Variants in DNER observed in about 807,000 individuals in gnomAD.
DNER encodes the protein delta/notch like EGF repeat containing.
DNER carries 33 observed loss-of-function variants against 78.2 expected under a neutral mutation model. The observed-to-expected ratio is 0.42, with a 90% CI of 0.32 to 0.56. The LOEUF is 0.56. Among genes scored for constraint, DNER ranks in the 20% least tolerant of loss-of-function variants. The probability of loss-of-function intolerance (pLI) is 0.11; values close to 1 mark genes in which losing one functional copy is unlikely to be tolerated. For missense variants in DNER, 918 were observed against 975.3 expected (o/e 0.94, Z 0.78); for synonymous variants, 417 against 384.8 (o/e 1.08, Z -0.98).
intron 1 of DNER, among the ~76,000 whole-genome samples, chr2:229,698,139 G>A (rs900580989): frequency 5.3e-5 from 8 of 152,176 alleles, no homozygotes; most frequent in Admixed American, 2.0e-4. Context: ...AGGAGTTCAA[G>A]GCTGCGGTGG....
chr2:229,660,790 TC>T (rs1227098749), intron 1 of DNER, among the ~76,000 whole-genome samples: 1 of 152,192 alleles, frequency 6.6e-6, no homozygotes, highest in Non-Finnish European at 1.5e-5. Context: ...GGAATGTAAC[TC>T]TAGTGACCTT....
At chr2:229,582,038 C>A (rs1697407276) in intron 4 of DNER, among the ~76,000 whole-genome samples, 1 of 152,180 alleles carries the variant, frequency 6.6e-6, no homozygotes, top group Non-Finnish European at 1.5e-5. Flanking sequence ...AGAAACACAG[C>A]GACATAATTC....
At chr2:229,512,647 C>T (rs919817417) in intron 6 of DNER, 136 bp downstream of exon 6, 3 of 1,253,894 alleles carry the variant, frequency 2.4e-6, no homozygotes, top group African/African-American at 1.5e-5. Context: ...GCACCAAAAC[C>T]TCACAAATCA....
intron 4 of DNER, among the ~76,000 whole-genome samples, chr2:229,580,856 G>A (rs145176704): frequency 3.3e-5 from 5 of 152,272 alleles, no homozygotes; most frequent in African/African-American, 9.6e-5. Context: ...AAGGAGATCT[G>A]AGAATGCATG....
At chr2:229,388,014 T>TG (rs1216520956) in intron 11 of DNER, among the ~76,000 whole-genome samples, 3 of 152,048 alleles carry the variant, frequency 2.0e-5, no homozygotes, top group Admixed American at 6.6e-5. Context: ...ATTCTCATCC[T>TG]GGGGAAAGGC....
intron 6 of DNER, among the ~76,000 whole-genome samples, chr2:229,484,638 G>C (rs1695232995): frequency 6.6e-6 from 1 of 152,062 alleles, no homozygotes; most frequent in Admixed American, 6.5e-5. Flanking sequence ...GTGATGTCAG[G>C]AGACTTTATG....
chr2:229,522,906 T>C (rs1696129563), intron 5 of DNER, among the ~76,000 whole-genome samples: 1 of 152,230 alleles, frequency 6.6e-6, no homozygotes, highest in Admixed American at 6.5e-5. Flanking sequence ...GTGTGATTTT[T>C]CCATGTTACC....
chr2:229,671,171 C>T (rs1014894053), intron 1 of DNER, among the ~76,000 whole-genome samples: 8 of 152,208 alleles, frequency 5.3e-5, no homozygotes, highest in Non-Finnish European at 1.2e-4. Context: ...CCTGCTTGCT[C>T]AAGCTGATCA....
intron 5 of DNER, 97 bp downstream of exon 5, chr2:229,546,850 G>A: frequency 6.7e-7 from 1 of 1,503,478 alleles, no homozygotes; most frequent in Non-Finnish European, 9.0e-7. Context: ...GATAGAGCAA[G>A]GATGAAAGGG....
At chr2:229,398,465 G>A (rs757804820) in intron 10 of DNER, among the ~76,000 whole-genome samples, 3 of 152,068 alleles carry the variant, frequency 2.0e-5, no homozygotes, top group Non-Finnish European at 4.4e-5. Context: ...TGCAGAAAAC[G>A]GAATACAAAA....
At chr2:229,482,229 C>T (rs112918783) in intron 6 of DNER, among the ~76,000 whole-genome samples, 1 of 152,242 alleles carries the variant, frequency 6.6e-6, no homozygotes, top group East Asian at 1.9e-4. Context: ...ATACCTTTCA[C>T]ATTGTCTAGT....
At position 229,586,143 on chromosome 2, in the gene DNER, A is replaced by T. The variant is rs1697491157; in HGVS notation, c.681-119T>A. 1.1e-5 allele frequency: 14 copies of T among 1,237,896 alleles called. No homozygotes were observed. In the South Asian group the frequency reaches 1.9e-4, roughly 17 times the overall value. The allele number at this position is 1,237,896 out of a possible 1,614,324, so 76.7% of individuals were successfully genotyped here. A position where few individuals can be genotyped will look rare whatever the true frequency, so the allele number is the denominator to read the frequency against. ...TGTGCATCTACCAAGGTACCAGGAG[A>T]TCGATGGCATAAACAGATACGCGGG... On this transcript the variant is annotated intron_variant, in intron 3 of 12. Coordinates refer to ENST00000341772, the MANE Select transcript of DNER (RefSeq NM_139072.4).
At chr2:229,533,105 G>A (rs1322798663) in intron 5 of DNER, among the ~76,000 whole-genome samples, 1 of 152,178 alleles carries the variant, frequency 6.6e-6, no homozygotes, top group Non-Finnish European at 1.5e-5. Flanking sequence ...AGATCAAAGC[G>A]AGAAAAGGCT....
chr2:229,399,748 A>G (rs907774573), intron 10 of DNER, among the ~76,000 whole-genome samples: 11 of 152,096 alleles, frequency 7.2e-5, no homozygotes, highest in African/African-American at 2.7e-4. Context: ...ATTTTTGACG[A>G]AAGTTCAAAA....
rs748186863 is a variant in DNER, at chr2:229,585,976, C to T, written c.729G>A (p.Thr243=). 1.2e-5 allele frequency: 19 copies of T among 1,613,868 alleles called. No individual in the cohort carries two copies. The highest frequency in any genetic ancestry group is 2.7e-5 in the African/African-American group (2 of 74,902). ...TASLILLWKV[T]ATGFQQCSLI... is the part of the protein sequence containing the mutation. ...GGGAGCACTGTTGGAATCCTGTGGC[C>T]GTGACCTTCCAGAGCAAAATCAGTG... The change falls in exon 4 of 13, where the codon ACG becomes ACA. Residue 243 remains threonine, a synonymous_variant. Coordinates refer to ENST00000341772, the MANE Select transcript of DNER (RefSeq NM_139072.4).
Position 229,398,823 on chromosome 2 carries a change from C to G in DNER, c.1723+8409G>C, listed in dbSNP as rs561619220. On this transcript the variant is annotated intron_variant, in intron 10 of 12. Transcript: ENST00000341772. ...AAAATCAACCAAGCATATTAACAAG[C>G]CAAAGAAAAAAATCACATGATCATA... 2.0e-5 allele frequency among the ~76,000 whole-genome samples: 3 copies of G among 151,682 alleles called. No individual in the cohort carries two copies. In the East Asian group the frequency reaches 5.8e-4, roughly 29 times the overall value.
intron 1 of DNER, among the ~76,000 whole-genome samples, chr2:229,651,572 C>G (rs1559195990): frequency 6.6e-6 from 1 of 152,234 alleles, no homozygotes; most frequent in South Asian, 2.1e-4. Flanking sequence ...AGCCAGGTCT[C>G]TATCCATTCT....
chr2:229,711,257 G>A (rs556051018), intron 1 of DNER, among the ~76,000 whole-genome samples: 4 of 152,248 alleles, frequency 2.6e-5, no homozygotes, highest in African/African-American at 4.8e-5. Flanking sequence ...TGATGTGGAG[G>A]AAAAGAGGAA....
intron 1 of DNER, among the ~76,000 whole-genome samples, chr2:229,655,967 G>A (rs1474172556): frequency 6.6e-6 from 1 of 152,042 alleles, no homozygotes; most frequent in Non-Finnish European, 1.5e-5. Flanking sequence ...ACTAGAAACT[G>A]GAAACAGCAA....
Sources: gnomAD v4.1 joint callset for allele counts (sites outside exome capture counted in the v4.1 genomes callset) on GRCh38, gnomAD v4.1.1 for gene constraint, MANE v1.5 for transcripts, NCBI Gene and HGNC (gene_info 2026-07-23, HGNC 2026-07-21) for gene names.